The following SHISA9 variants were observed in gnomAD, a reference collection of about 807,000 sequenced individuals.
The protein encoded by SHISA9 is protein shisa-9.
A neutral mutation model predicts 38.0 loss-of-function variants in SHISA9; 13 were observed. That is an observed-to-expected ratio of 0.34 (90% confidence interval 0.22 to 0.54). SHISA9 has a LOEUF of 0.54. Among genes scored for constraint, SHISA9 ranks in the 20% least tolerant of loss-of-function variants. The probability of loss-of-function intolerance (pLI) is 0.91; values close to 1 mark genes in which losing one functional copy is unlikely to be tolerated. For synonymous variants in SHISA9, 275 were observed against 242.0 expected, an observed-to-expected ratio of 1.14 and a Z score of -1.27; for missense variants, 538 against 575.8, an observed-to-expected ratio of 0.93 and a Z score of 0.67.
intron 2 of SHISA9, among the ~76,000 whole-genome samples, chr16:12,957,925 G>C (rs1413822748): frequency 6.6e-6 from 1 of 152,106 alleles, no homozygotes; most frequent in East Asian, 1.9e-4. Context: ...ACCAGCAAGG[G>C]GGCTCGACTT....
intron 1 of SHISA9, among the ~76,000 whole-genome samples, chr16:12,911,982 T>G (rs1397280902): frequency 6.6e-6 from 1 of 152,238 alleles, no homozygotes; most frequent in Admixed American, 6.5e-5. Flanking sequence ...GCATCCCCTT[T>G]GGGGGCACAT....
At chr16:13,306,148 A>G in the SHISA9 span, among the ~76,000 whole-genome samples, 1 of 152,240 alleles carries the variant, frequency 6.6e-6, no homozygotes, top group Admixed American at 6.5e-5. Flanking sequence ...TTTTGAATGA[A>G]TGAATACTCT....
chr16:12,965,551 C>A (rs2141799313), intron 2 of SHISA9, among the ~76,000 whole-genome samples: 1 of 152,214 alleles, frequency 6.6e-6, no homozygotes, highest in African/African-American at 2.4e-5. Flanking sequence ...ATGAACAAAC[C>A]CTGAATTACT....
chr16:13,388,310 ATTT>A, the SHISA9 span, among the ~76,000 whole-genome samples: 6 of 140,272 alleles, frequency 4.3e-5, no homozygotes, highest in Non-Finnish European at 3.1e-5. Flanking sequence ...AATTTGGGGA[ATTT>A]TTTTTTTTTT....
chr16:13,494,607 C>T, the SHISA9 span, among the ~76,000 whole-genome samples: 2 of 151,344 alleles, frequency 1.3e-5, no homozygotes, highest in Non-Finnish European at 2.9e-5. Context: ...GGTATGCTGC[C>T]AGTAAAATTA....
the SHISA9 span, among the ~76,000 whole-genome samples, chr16:13,417,861 T>G: frequency 3.3e-5 from 5 of 152,226 alleles, no homozygotes; most frequent in Non-Finnish European, 7.3e-5. Flanking sequence ...GCTCGAATGC[T>G]GGCATCAAAC....
intron 2 of SHISA9, among the ~76,000 whole-genome samples, chr16:13,140,416 A>G (rs972910163): frequency 4.6e-5 from 7 of 151,904 alleles, no homozygotes; most frequent in Admixed American, 1.3e-4. Context: ...ACCTCAGGTG[A>G]TCCACCTGCC....
the SHISA9 span, among the ~76,000 whole-genome samples, chr16:13,370,214 G>T: frequency 6.6e-6 from 1 of 152,156 alleles, no homozygotes; most frequent in South Asian, 2.1e-4. Flanking sequence ...AACGACCAAC[G>T]TAACTTGTGT....
At chr16:13,410,110 C>A in the SHISA9 span, among the ~76,000 whole-genome samples, 1 of 152,204 alleles carries the variant, frequency 6.6e-6, no homozygotes, top group Non-Finnish European at 1.5e-5. Context: ...GTTTTCATTG[C>A]TGCAAGCAAA....
the SHISA9 span, among the ~76,000 whole-genome samples, chr16:13,466,572 T>C: frequency 2.0e-5 from 3 of 152,198 alleles, no homozygotes; most frequent in African/African-American, 7.2e-5. Flanking sequence ...GTTGTTGTTG[T>C]TGTTGTTTTT....
the SHISA9 span, among the ~76,000 whole-genome samples, chr16:13,558,346 T>C: frequency 6.6e-6 from 1 of 152,158 alleles, no homozygotes; most frequent in Non-Finnish European, 1.5e-5. Context: ...TTCAGGCTTA[T>C]TTATCAATAA....
At chr16:13,119,527 TTAA>T (rs2074064688) in intron 2 of SHISA9, among the ~76,000 whole-genome samples, 1 of 152,262 alleles carries the variant, frequency 6.6e-6, no homozygotes, top group Non-Finnish European at 1.5e-5. Context: ...CAATGATATA[TTAA>T]TAAACCATCC....
intron 2 of SHISA9, among the ~76,000 whole-genome samples, chr16:12,985,087 A>G (rs2072289491): frequency 6.6e-6 from 1 of 152,118 alleles, no homozygotes; most frequent in Admixed American, 6.6e-5. Context: ...TATATATTAC[A>G]TGAATTGCAC....
At chr16:13,080,827 T>G (rs2073640164) in intron 2 of SHISA9, among the ~76,000 whole-genome samples, 1 of 152,216 alleles carries the variant, frequency 6.6e-6, no homozygotes, top group South Asian at 2.1e-4. Flanking sequence ...AACAAATATT[T>G]ATTTCTCACA....
the SHISA9 span, among the ~76,000 whole-genome samples, chr16:13,549,957 A>G: frequency 6.6e-6 from 1 of 151,198 alleles, no homozygotes; most frequent in Non-Finnish European, 1.5e-5. Flanking sequence ...CAGGAGGCAG[A>G]GGTTGCAGTG....
intron 2 of SHISA9, among the ~76,000 whole-genome samples, chr16:13,161,824 C>A (rs116910705): frequency 2.3e-3 from 356 of 152,204 alleles, no homozygotes; most frequent in Non-Finnish European, 3.6e-3. Context: ...TCTATCGGTG[C>A]TAGAAATGGA....
At chr16:13,064,676 C>G (rs1185371328) in intron 2 of SHISA9, among the ~76,000 whole-genome samples, 2 of 150,708 alleles carry the variant, frequency 1.3e-5, no homozygotes, top group East Asian at 1.9e-4. Flanking sequence ...AGAGACTCTC[C>G]TAAAAATATT....
At chr16:13,022,451 C>T (rs2072869248) in intron 2 of SHISA9, among the ~76,000 whole-genome samples, 1 of 152,124 alleles carries the variant, frequency 6.6e-6, no homozygotes, top group African/African-American at 2.4e-5. Context: ...CCTGCCTCAG[C>T]CTCCCAAGTA....
At chr16:13,009,399 C>T (rs1382087914) in intron 2 of SHISA9, among the ~76,000 whole-genome samples, 2 of 152,162 alleles carry the variant, frequency 1.3e-5, no homozygotes, top group Admixed American at 1.3e-4. Flanking sequence ...AGAATGCACA[C>T]ACCTTGCTCA....
Sources: gnomAD v4.1 joint callset for allele counts (sites outside exome capture counted in the v4.1 genomes callset) on GRCh38, gnomAD v4.1.1 for gene constraint, MANE v1.5 for transcripts, NCBI Gene and HGNC (gene_info 2026-07-23, HGNC 2026-07-21) for gene names.